Variants in DPYSL2 observed in about 807,000 individuals in gnomAD.
DPYSL2 encodes the protein dihydropyrimidinase like 2.
DPYSL2 carries 13 observed loss-of-function variants against 69.9 expected under a neutral mutation model. That is an observed-to-expected ratio of 0.19 (90% CI 0.12 to 0.30). The LOEUF is 0.30. DPYSL2 is among the 10% of genes least tolerant of loss of function. The probability of loss-of-function intolerance (pLI) is 1.00; values close to 1 mark genes in which losing one functional copy is unlikely to be tolerated. For missense variants in DPYSL2, 587 were observed against 918.9 expected, an observed-to-expected ratio of 0.64 and a Z score of 4.67; for synonymous variants, 326 against 359.1, an observed-to-expected ratio of 0.91 and a Z score of 1.04.
At position 26,556,151 on chromosome 8, in the gene DPYSL2, C is replaced by A. The variant is rs1483182377; in HGVS notation, c.355-25818C>A. Among the ~76,000 whole-genome samples, 23 of 3,118 alleles carry A rather than the reference C, an allele frequency of 7.4e-3. 1 individual carries two copies. Among genetic ancestry groups the A allele is most frequent in the Non-Finnish European group, 0.016 (18 of 1,108 alleles). The allele number at this position is 3,118 out of a possible 152,430, so 2.0% of individuals were successfully genotyped here. ...TTATATATACTATATATAGTATATA[C>A]TATATATAGTATATACTATATATAG... is the stretch of plus-strand genomic sequence containing the variant. On this transcript the variant is annotated intron_variant, in intron 1 of 13. Coordinates refer to ENST00000521913, the MANE Select transcript of DPYSL2 (RefSeq NM_001197293.3).
At chr8:26,566,727 G>C (rs1014163816) in intron 1 of DPYSL2, among the ~76,000 whole-genome samples, 1 of 152,164 alleles carries the variant, frequency 6.6e-6, no homozygotes, top group Non-Finnish European at 1.5e-5. Context: ...TTCATGCTTT[G>C]GAAGGTTATT....
At position 26,643,295 on chromosome 8, in the gene DPYSL2, C is replaced by A; in HGVS notation, c.1127-144C>A. 3.5e-6 allele frequency: 3 copies of A among 865,928 alleles called. No individual in the cohort carries two copies. Among genetic ancestry groups the A allele is most frequent in the Non-Finnish European group, 5.1e-6 (3 of 588,972 alleles). The allele number at this position is 865,928 out of a possible 1,614,324, so 53.6% of individuals were successfully genotyped here. A position where few individuals can be genotyped will look rare whatever the true frequency, so the allele number is the denominator to read the frequency against. On this transcript the variant is annotated intron_variant, in intron 8 of 13. Transcript: ENST00000521913. The surrounding 1 kb of genome is among the most constrained non-coding windows in gnomAD (Gnocchi z 6.5). ...CTGAATTTCTCCAAGTCTCAGTTTC[C>A]TCATCTGCGAGATGAGCCTGATATT...
At chr8:26,521,102 A>C (rs1025627086) in intron 1 of DPYSL2, among the ~76,000 whole-genome samples, 4 of 152,190 alleles carry the variant, frequency 2.6e-5, no homozygotes, top group Non-Finnish European at 4.4e-5. Flanking sequence ...AACTAATGAA[A>C]GAGTCATCAA....
At chr8:26,539,191 A>G (rs1255382078) in intron 1 of DPYSL2, among the ~76,000 whole-genome samples, 1 of 152,206 alleles carries the variant, frequency 6.6e-6, no homozygotes, top group East Asian at 1.9e-4. Context: ...AGGAATATTA[A>G]CTAAAATGCA....
rs1490902964 is a variant in DPYSL2, at chr8:26,585,540, G to T, written c.628+1557G>T. Reference sequence around the variant, plus strand: ...CATGTTGCCCTTTAACCTAGTGGGTGCCATTTTCCAGGGATGTCGGGGGGA... The same window carrying T: ...CATGTTGCCCTTTAACCTAGTGGGTTCCATTTTCCAGGGATGTCGGGGGGA... On this transcript the variant is annotated intron_variant, in intron 3 of 13. Transcript: ENST00000521913. The surrounding 1 kb of genome is among the most constrained non-coding windows in gnomAD (Gnocchi z 4.0). 6.6e-6 allele frequency among the ~76,000 whole-genome samples: 1 copy of T among 152,132 alleles called. No individual in the cohort carries two copies. Among genetic ancestry groups the T allele is most frequent in the African/African-American group, 2.4e-5 (1 of 41,424 alleles).
chr8:26,584,474 C>A (rs1310542523), intron 3 of DPYSL2, among the ~76,000 whole-genome samples: 1 of 152,154 alleles, frequency 6.6e-6, no homozygotes, highest in Non-Finnish European at 1.5e-5. Context: ...GGAGACGATA[C>A]TCTCTAGGCT....
At chr8:26,577,232 C>T (rs1384111622) in intron 1 of DPYSL2, 5 of 413,466 alleles carry the variant, frequency 1.2e-5, no homozygotes, top group Admixed American at 1.1e-4. Flanking sequence ...CGCGCCCATT[C>T]CCCGCCCCCA....
intron 3 of DPYSL2, chr8:26,623,890 T>G: frequency 4.9e-6 from 2 of 408,028 alleles, no homozygotes; most frequent in Non-Finnish European, 4.4e-6. Flanking sequence ...TTTCAGGGGT[T>G]TTGGGAAATC....
rs1475200350 is a variant in DPYSL2 at position 26,516,488 on chromosome 8, G to A, written c.354+1809G>A. Among the ~76,000 whole-genome samples the A allele has an allele frequency of 6.6e-6, 1 of 152,140 alleles. No individual in the cohort carries two copies. Among genetic ancestry groups the A allele is most frequent in the East Asian group, 1.9e-4 (1 of 5,198 alleles). ...AAAAAGTGGCAGATCAGAGGATAGG[G>A]GTTGAAAGTGGCCCACCCCTATCAT... On this transcript the variant is annotated intron_variant, in intron 1 of 13. Coordinates refer to ENST00000521913, the MANE Select transcript of DPYSL2 (RefSeq NM_001197293.3). This position sits in a 1 kb window ranked among gnomAD's most constrained non-coding sequence, Gnocchi z 4.8.
rs945517809 is a variant in DPYSL2, at chr8:26,610,850, G to A, written c.629-13293G>A. On this transcript the variant is annotated intron_variant, in intron 3 of 13. Transcript: ENST00000521913. This position sits in a 1 kb window ranked among gnomAD's most constrained non-coding sequence, Gnocchi z 4.5. ...TAGGCCCTACTGTTGTTAGCTGTTC[G>A]TAGATACTATTTCAGAACAATGCTG... Among the ~76,000 whole-genome samples, 3 of 152,072 alleles carry A rather than the reference G, an allele frequency of 2.0e-5. No homozygotes were observed. The highest frequency in any genetic ancestry group is 6.6e-5 in the Admixed American group (1 of 15,262).
chr8:26,577,129 T>C, intron 1 of DPYSL2: 1 of 444,240 alleles, frequency 2.3e-6, no homozygotes, highest in Non-Finnish European at 4.5e-6. Flanking sequence ...CCTTCCCGGC[T>C]CGGAGTTGGA....
intron 1 of DPYSL2, among the ~76,000 whole-genome samples, chr8:26,555,656 A>C (rs1800933459): frequency 1.3e-5 from 2 of 151,882 alleles, no homozygotes; most frequent in South Asian, 4.1e-4. Context: ...AGGCCGAGGC[A>C]GGTGGATAGC....
chr8:26,561,249 T>C (rs1381105344), intron 1 of DPYSL2, among the ~76,000 whole-genome samples: 1 of 152,160 alleles, frequency 6.6e-6, no homozygotes, highest in Non-Finnish European at 1.5e-5. Context: ...CATGCTACTC[T>C]GCCTCTCTCT....
Position 26,607,223 on chromosome 8 carries a change from G to A in DPYSL2, c.629-16920G>A, listed in dbSNP as rs149723640. Among the ~76,000 whole-genome samples, 576 of 151,940 alleles carry A rather than the reference G, an allele frequency of 3.8e-3. 7 individuals are homozygous for A. The highest frequency in any genetic ancestry group is 3.2e-3 in the Non-Finnish European group (217 of 67,920). On this transcript the variant is annotated intron_variant, in intron 3 of 13. Coordinates refer to ENST00000521913, the MANE Select transcript of DPYSL2 (RefSeq NM_001197293.3). ...TTTTGGGGGCCGGGTGGTGCCTCACGCCTGTTATCCCAGCACTTTGGGAGG... is the reference window on the plus strand; with the variant it reads ...TTTTGGGGGCCGGGTGGTGCCTCACACCTGTTATCCCAGCACTTTGGGAGG...
At chr8:26,632,831 C>T (rs1024686118) in intron 7 of DPYSL2, among the ~76,000 whole-genome samples, 5 of 152,238 alleles carry the variant, frequency 3.3e-5, no homozygotes, top group Non-Finnish European at 7.3e-5. Context: ...AGGGCTTCTC[C>T]TTCAGCTGTC....
At chr8:26,567,332 A>G (rs1413110845) in intron 1 of DPYSL2, among the ~76,000 whole-genome samples, 1 of 112,560 alleles carries the variant, frequency 8.9e-6, no homozygotes, top group Non-Finnish European at 1.8e-5. Flanking sequence ...ATCCATCCAT[A>G]TGAACATACA....
chr8:26,556,057 T>C (rs561094478), intron 1 of DPYSL2, among the ~76,000 whole-genome samples: 1 of 78,260 alleles, frequency 1.3e-5, no homozygotes, highest in Admixed American at 2.1e-4. Context: ...ATAGTATATA[T>C]AAATTATGTA....
In DPYSL2 at chr8:26,648,801, G is replaced by C. The variant is rs961556117; in HGVS notation, c.1596+1001G>C. 2.6e-5 allele frequency among the ~76,000 whole-genome samples: 4 copies of C among 152,246 alleles called. No homozygotes were observed. The highest frequency in any genetic ancestry group is 9.6e-5 in the African/African-American group (4 of 41,462). ...TCCTCTCTCATTTGCACACACAGAG[G>C]TGTTTGGGCTGCAATGGGCTCAGGC... On this transcript the variant is annotated intron_variant, in intron 11 of 13. Coordinates refer to ENST00000521913, the MANE Select transcript of DPYSL2 (RefSeq NM_001197293.3). This position sits in a 1 kb window ranked among gnomAD's most constrained non-coding sequence, Gnocchi z 4.3.
chr8:26,628,193 C>T (rs1217338533), intron 7 of DPYSL2, among the ~76,000 whole-genome samples: 1 of 152,204 alleles, frequency 6.6e-6, no homozygotes, highest in Non-Finnish European at 1.5e-5. Context: ...TTCTTCAAGC[C>T]CTTGCTTGTA....
Sources: allele counts gnomAD v4.1 joint callset (sites outside exome capture counted in the v4.1 genomes callset), GRCh38; gene constraint gnomAD v4.1.1; non-coding constraint Gnocchi (gnomAD v3.1); transcripts MANE v1.5; gene names NCBI Gene and HGNC (gene_info 2026-07-23, HGNC 2026-07-21).